Variants in PDE1C observed in about 807,000 individuals in gnomAD.
PDE1C encodes dual specificity calcium/calmodulin-dependent 3',5'-cyclic nucleotide phosphodiesterase 1C.
PDE1C carries 62 observed loss-of-function variants against 93.1 expected under a neutral mutation model. The observed-to-expected ratio is 0.67, with a 90% CI of 0.54 to 0.82. The LOEUF (loss-of-function observed/expected upper bound fraction) is 0.82. PDE1C is among the 40% of genes least tolerant of loss of function. The pLI is 0.00. For missense variants in PDE1C, 742 were observed against 884.6 expected, an observed-to-expected ratio of 0.84 and a Z score of 2.04; for synonymous variants, 325 against 310.1, an observed-to-expected ratio of 1.05 and a Z score of -0.50.
chr7:32,040,475 T>C (rs1263952239), intron 2 of PDE1C, among the ~76,000 whole-genome samples: 1 of 152,142 alleles, frequency 6.6e-6, no homozygotes, highest in Non-Finnish European at 1.5e-5. Flanking sequence ...TCTGTAGACA[T>C]TGCCAAATAC....
At chr7:32,118,637 A>C (rs1799122176) in intron 3 of PDE1C, among the ~76,000 whole-genome samples, 1 of 152,128 alleles carries the variant, frequency 6.6e-6, no homozygotes, top group African/African-American at 2.4e-5. Context: ...AAAGGCAAAC[A>C]AGCACACAAG....
chr7:32,264,758 G>T (rs531625568), intron 1 of PDE1C, among the ~76,000 whole-genome samples: 1 of 152,210 alleles, frequency 6.6e-6, no homozygotes, highest in Non-Finnish European at 1.5e-5. Context: ...GATGAATCAA[G>T]ATGTCCCATG....
At chr7:31,870,286 C>T (rs1199314555) in intron 6 of PDE1C, among the ~76,000 whole-genome samples, 1 of 151,224 alleles carries the variant, frequency 6.6e-6, no homozygotes, top group Non-Finnish European at 1.5e-5. Context: ...ACTAACAAAA[C>T]AATGCAATGG....
At chr7:32,159,544 A>C (rs1801782605) in intron 3 of PDE1C, among the ~76,000 whole-genome samples, 1 of 152,180 alleles carries the variant, frequency 6.6e-6, no homozygotes, top group Non-Finnish European at 1.5e-5. Flanking sequence ...TGTTTTTGAG[A>C]TATTTCCCAG....
chr7:32,104,949 G>T (rs1308957406), intron 3 of PDE1C, among the ~76,000 whole-genome samples: 2 of 152,020 alleles, frequency 1.3e-5, no homozygotes, highest in African/African-American at 4.8e-5. Context: ...CCTCTTCAAG[G>T]CTTCAGGAAA....
intron 1 of PDE1C, among the ~76,000 whole-genome samples, chr7:32,375,922 G>A (rs944899130): frequency 6.6e-6 from 1 of 152,172 alleles, no homozygotes; most frequent in Admixed American, 6.5e-5. Flanking sequence ...TTGGGAGGCC[G>A]AGGCAGGCAG....
intron 7 of PDE1C, among the ~76,000 whole-genome samples, chr7:31,855,552 T>C (rs139777837): frequency 6.6e-6 from 1 of 152,052 alleles, no homozygotes; most frequent in East Asian, 1.9e-4. Flanking sequence ...TGTCTACCAA[T>C]AACAACCCCA....
At chr7:31,631,722 C>T in the PDE1C span, among the ~76,000 whole-genome samples, 1 of 152,106 alleles carries the variant, frequency 6.6e-6, no homozygotes, top group African/African-American at 2.4e-5. Context: ...GGCTGTAAGA[C>T]CTTGAAACCA....
chr7:31,682,395 C>CA, the PDE1C span, among the ~76,000 whole-genome samples: 1 of 152,026 alleles, frequency 6.6e-6, no homozygotes, highest in African/African-American at 2.4e-5. Flanking sequence ...CATTAGCCAT[C>CA]AAAAAATGCA....
the PDE1C span, among the ~76,000 whole-genome samples, chr7:31,620,324 C>G: frequency 6.6e-6 from 1 of 152,012 alleles, no homozygotes; most frequent in African/African-American, 2.4e-5. Context: ...GTCCCTGACC[C>G]CTGACCCCTG....
chr7:31,839,665 T>A (rs1791595398), intron 9 of PDE1C, among the ~76,000 whole-genome samples: 1 of 152,220 alleles, frequency 6.6e-6, no homozygotes, highest in Non-Finnish European at 1.5e-5. Context: ...AATCTTTGTG[T>A]AGACACATAT....
intron 2 of PDE1C, among the ~76,000 whole-genome samples, chr7:32,035,062 C>T (rs896765416): frequency 6.6e-6 from 1 of 152,074 alleles, no homozygotes; most frequent in African/African-American, 2.4e-5. Context: ...GAGCATTGCC[C>T]TCTTGGAAAA....
At chr7:31,953,239 CGG>C (rs1807655524) in intron 2 of PDE1C, among the ~76,000 whole-genome samples, 1 of 152,162 alleles carries the variant, frequency 6.6e-6, no homozygotes, top group Non-Finnish European at 1.5e-5. Context: ...AGGTTTGCGA[CGG>C]TGCTGATTCA....
the PDE1C span, among the ~76,000 whole-genome samples, chr7:31,638,553 G>T: frequency 6.6e-6 from 1 of 152,098 alleles, no homozygotes; most frequent in Non-Finnish European, 1.5e-5. Flanking sequence ...TTTTAAAGAT[G>T]TAGATAATAA....
chr7:32,315,262 TG>T (rs1321906236), intron 1 of PDE1C, among the ~76,000 whole-genome samples: 1 of 151,952 alleles, frequency 6.6e-6, no homozygotes, highest in African/African-American at 2.4e-5. Context: ...CTGGCTTCCC[TG>T]GGATCAAATG....
At chr7:32,421,119 G>A (rs1287383917) in intron 1 of PDE1C, among the ~76,000 whole-genome samples, 1 of 151,726 alleles carries the variant, frequency 6.6e-6, no homozygotes, top group African/African-American at 2.4e-5. Flanking sequence ...ACAGCACTAG[G>A]TTGAATAATT....
At chr7:32,340,002 AT>A (rs1243871015) in intron 1 of PDE1C, among the ~76,000 whole-genome samples, 1 of 151,998 alleles carries the variant, frequency 6.6e-6, no homozygotes, top group Non-Finnish European at 1.5e-5. Context: ...GCACTGTGTG[AT>A]TTTTTTCTAG....
chr7:31,807,264 G>C (rs989959649), intron 16 of PDE1C, among the ~76,000 whole-genome samples: 21 of 151,924 alleles, frequency 1.4e-4, no homozygotes, highest in Admixed American at 1.2e-3. Flanking sequence ...GAGGGAAACA[G>C]AGACAGACAT....
intron 14 of PDE1C, among the ~76,000 whole-genome samples, chr7:31,816,581 A>C (rs1788301552): frequency 6.6e-6 from 1 of 152,150 alleles, no homozygotes; most frequent in Non-Finnish European, 1.5e-5. Context: ...ATCAAGGCTG[A>C]GAGACATCAT....
Sources: allele counts gnomAD v4.1 joint callset (sites outside exome capture counted in the v4.1 genomes callset), GRCh38; gene constraint gnomAD v4.1.1; transcripts MANE v1.5; gene names NCBI Gene and HGNC (gene_info 2026-07-23, HGNC 2026-07-21).